Variants in FANCI observed in about 807,000 individuals in gnomAD.
FANCI encodes the protein Fanconi anemia group I protein.
A neutral mutation model predicts 176.1 loss-of-function variants in FANCI; 156 were observed. The observed-to-expected ratio is 0.89, with a 90% confidence interval of 0.78 to 1.01. The LOEUF (loss-of-function observed/expected upper bound fraction) is 1.01. FANCI is among the 50% of genes least tolerant of loss of function. FANCI has a pLI of 0.00. For missense variants in FANCI, 1,678 were observed against 1,534.1 expected, an observed-to-expected ratio of 1.09 and a Z score of -1.57; for synonymous variants, 613 against 541.7, an observed-to-expected ratio of 1.13 and a Z score of -1.83.
chr15:89,310,697 C>T (rs1236553993), intron 34 of FANCI, among the ~76,000 whole-genome samples: 1 of 152,240 alleles, frequency 6.6e-6, no homozygotes. Context: ...TTTTCCACAC[C>T]TCTCAGTGAA....
intron 19 of FANCI, 134 bp downstream of exon 19, chr15:89,290,415 A>G: frequency 1.4e-6 from 1 of 730,864 alleles, no homozygotes; most frequent in Non-Finnish European, 2.4e-6. Flanking sequence ...TGCTGTGGGT[A>G]TGTTATGCTG....
intron 18 of FANCI, among the ~76,000 whole-genome samples, chr15:89,286,772 C>T (rs1567161148): frequency 1.3e-5 from 2 of 152,128 alleles, no homozygotes; most frequent in African/African-American, 2.4e-5. Flanking sequence ...CCTAACAAGA[C>T]AGTCAGCCTG....
rs1480614366 is a variant in FANCI at position 89,292,787 on chromosome 15, T to G, written c.2092T>G (p.Phe698Val). The G allele has an allele frequency of 6.2e-7, 1 of 1,614,046 alleles. No individual in the cohort carries two copies. The highest frequency in any genetic ancestry group is 2.2e-5 in the East Asian group (1 of 44,850). ...GGAGGAAGAGGAGGAGGAAGAGGCA[T>G]TCTACGAAGACCTAGATGATATATT... is the stretch of plus-strand genomic sequence containing the variant. ...GEEEEEEEEA[F>V]YEDLDDILES... is the part of the protein sequence containing the mutation. The change falls in exon 21 of 38, where the codon TTC becomes GTC. Residue 698 changes from phenylalanine (F) to valine (V), a missense_variant. Phe to Val is a conservative substitution (Grantham distance 50). This residue lies in a region of FANCI where 1,204 missense variants were observed against 1,077.4 expected (regional missense o/e 1.12). Coordinates refer to ENST00000310775, the MANE Select transcript of FANCI (RefSeq NM_001113378.2).
At chr15:89,288,739 C>A (rs964946414) in intron 18 of FANCI, among the ~76,000 whole-genome samples, 3 of 151,916 alleles carry the variant, frequency 2.0e-5, no homozygotes, top group East Asian at 3.9e-4. Flanking sequence ...TTGCCTCAGC[C>A]CCATCCCCAA....
chr15:89,299,901 A>G lies in FANCI; in HGVS notation c.2738A>G (p.Gln913Arg). ...TCACTGCTGTGCTTGGAGGGTTTAC[A>G]GAAAATATTCAGTGCTGTGCAACAG... ...SISLLCLEGL[Q>R]KIFSAVQQFY... The change falls in exon 25 of 38, where the codon CAG becomes CGG. Residue 913 changes from glutamine to arginine, a missense_variant. Physicochemically the swap from Gln to Arg is conservative, Grantham distance 43. This residue lies in a region of FANCI where 1,204 missense variants were observed against 1,077.4 expected (regional missense o/e 1.12). Coordinates refer to ENST00000310775, the MANE Select transcript of FANCI (RefSeq NM_001113378.2). 6.2e-7 allele frequency: 1 copy of G among 1,614,158 alleles called. No homozygotes were observed. The highest frequency in any genetic ancestry group is 8.5e-7 in the Non-Finnish European group (1 of 1,180,004).
In FANCI at chr15:89,266,002, T is replaced by TC. The variant is rs1465098344; in HGVS notation, c.755+1395_755+1396insC. ...ATTAGAGGTGGTTTCTTATTTCTTT[T>TC]TTTTTTTTTTTTTTAAGAGTGTCTT... On this transcript the variant is annotated intron_variant, in intron 9 of 37. Transcript: ENST00000310775. Among the ~76,000 whole-genome samples the TC allele has an allele frequency of 1.5e-4, 23 of 150,532 alleles. No individual in the cohort carries two copies. In the East Asian group the frequency reaches 2.3e-3, roughly 15 times the overall value.
intron 27 of FANCI, 37 bp downstream of exon 27, chr15:89,301,479 C>A: frequency 7.4e-7 from 1 of 1,347,448 alleles, no homozygotes. Flanking sequence ...TTTAGCATTC[C>A]TCAGAAGGCA....
chr15:89,268,004 G>T (rs1309178826), intron 9 of FANCI, among the ~76,000 whole-genome samples: 2 of 152,208 alleles, frequency 1.3e-5, no homozygotes, highest in Admixed American at 1.3e-4. Context: ...GTAAACACCT[G>T]CCTTCAGTGA....
At chr15:89,311,566 G>A (rs1480343165) in intron 34 of FANCI, among the ~76,000 whole-genome samples, 1 of 152,112 alleles carries the variant, frequency 6.6e-6, no homozygotes, top group Non-Finnish European at 1.5e-5. Flanking sequence ...TTCCCACTTG[G>A]TCAGTGAGGT....
At chr15:89,307,014 T>G (rs1000651383) in intron 32 of FANCI, among the ~76,000 whole-genome samples, 9 of 152,216 alleles carry the variant, frequency 5.9e-5, no homozygotes, top group African/African-American at 2.2e-4. Context: ...CCTTACTGTT[T>G]ATGTTCCTAG....
At chr15:89,285,414 T>G (rs1237273800) in intron 18 of FANCI, among the ~76,000 whole-genome samples, 196 bp downstream of exon 18, 1 of 152,134 alleles carries the variant, frequency 6.6e-6, no homozygotes, top group Non-Finnish European at 1.5e-5. Flanking sequence ...CAACACCTTG[T>G]GAGGCCAAGG....
At position 89,299,943 on chromosome 15, in the gene FANCI, T is replaced by C. The variant is rs760655385; in HGVS notation, c.2780T>C (p.Ile927Thr). ...GTGCAACAGTTCTATCAGCCCAAGA[T>C]TCAGCAGTTTCTCAGAGCTCTGGGT... is the stretch of plus-strand genomic sequence containing the variant. Reference protein sequence around the residue: ...SAVQQFYQPKIQQFLRALDVT... With the variant: ...SAVQQFYQPKTQQFLRALDVT... Residue 927 changes from isoleucine to threonine, a missense_variant, in exon 25 of 38, where the codon ATT (isoleucine) becomes ACT (threonine). This residue lies in a region of FANCI where 1,204 missense variants were observed against 1,077.4 expected (regional missense o/e 1.12). Transcript: ENST00000310775. The C allele has an allele frequency of 5.0e-6, 8 of 1,613,990 alleles. No homozygotes were observed. In the South Asian group the frequency reaches 6.6e-5, roughly 13 times the overall value.
intron 26 of FANCI, 35 bp from the exon 27 acceptor site, chr15:89,301,291 T>C: frequency 7.2e-7 from 1 of 1,397,478 alleles, no homozygotes; most frequent in Non-Finnish European, 1.0e-6. Flanking sequence ...ACGTGTCTGC[T>C]AACATTGCTT....
chr15:89,254,412 G>A (rs2052405931), intron 2 of FANCI, among the ~76,000 whole-genome samples: 1 of 152,122 alleles, frequency 6.6e-6, no homozygotes, highest in Non-Finnish European at 1.5e-5. Context: ...GACAGTGGGG[G>A]CGTGTCACAA....
chr15:89,268,508 C>G lies in FANCI; in HGVS notation c.865C>G (p.Leu289Val). ...ATTGGACTATGAACTAGGCAGAGAA[C>G]TCGTGAAACACTTAAAGGTAGCATC... ...IKLDYELGRE[L>V]VKHLKVGQQG... Residue 289 changes from leucine (L) to valine (V), a missense_variant, in exon 10 of 38, where the codon CTC (leucine) becomes GTC (valine). Leu to Val is a conservative substitution (Grantham distance 32). This residue lies in a region of FANCI where 469 missense variants were observed against 436.9 expected (regional missense o/e 1.07). Transcript: ENST00000310775. 6.2e-7 allele frequency: 1 copy of G among 1,614,176 alleles called. No homozygotes were observed. The highest frequency in any genetic ancestry group is 8.5e-7 in the Non-Finnish European group (1 of 1,180,012).
At chr15:89,245,334 A>ATTTT (rs869076373) in intron 1 of FANCI, 4 of 36,172 alleles carry the variant, frequency 1.1e-4, no homozygotes, top group Non-Finnish European at 2.3e-4. Flanking sequence ...ACGCCCAGCT[A>ATTTT]TTTTTTTTTT....
At position 89,293,068 on chromosome 15, in the gene FANCI, G is replaced by C; in HGVS notation, c.2291+5G>C. 6.2e-7 allele frequency: 1 copy of C among 1,612,762 alleles called. No homozygotes were observed. The highest frequency in any genetic ancestry group is 8.5e-7 in the Non-Finnish European group (1 of 1,179,656). ...TTTCTCCATAAGTAGTTTCAGGTAA[G>C]GTTTTGCTATAACTCCATTTGTAAT... On this transcript the variant is annotated splice_donor_5th_base_variant and intron_variant, in intron 22 of 37. Coordinates refer to ENST00000310775, the MANE Select transcript of FANCI (RefSeq NM_001113378.2).
chr15:89,281,747 C>T lies in FANCI; in HGVS notation c.1513-18C>T. On this transcript the variant is annotated intron_variant, in intron 15 of 37. Coordinates refer to ENST00000310775, the MANE Select transcript of FANCI (RefSeq NM_001113378.2). ...ATAAGCAAACTTGTTCTGTTTTTACCCACTGATTCTTTTTCAGCCCCTTCT... is the reference window on the plus strand; with the variant it reads ...ATAAGCAAACTTGTTCTGTTTTTACTCACTGATTCTTTTTCAGCCCCTTCT... The T allele has an allele frequency of 6.2e-7, 1 of 1,612,458 alleles. No individual in the cohort carries two copies. Among genetic ancestry groups the T allele is most frequent in the Non-Finnish European group, 8.5e-7 (1 of 1,178,810 alleles).
At position 89,307,667 on chromosome 15, in the gene FANCI, G is replaced by A. The variant is rs978000003; in HGVS notation, c.3646G>A (p.Val1216Ile). The change falls in exon 34 of 38, where the codon GTA becomes ATA. Residue 1216 changes from valine to isoleucine, a missense_variant. Around this residue, in one of 3 missense-constraint regions of FANCI, gnomAD observed 1,204 missense variants for 1,077.4 expected, o/e 1.12. Coordinates refer to ENST00000310775, the MANE Select transcript of FANCI (RefSeq NM_001113378.2). ...CCTGTGTTATTCTTTCATTTCTTAC[G>A]TACAGGTAAGAGATTCAGAGGCAGT... Reference protein sequence around the residue: ...TPLCYSFISYVQNKSKSLNYT... With the variant: ...TPLCYSFISYIQNKSKSLNYT... 16 of 1,613,922 alleles carry A rather than the reference G, an allele frequency of 9.9e-6. No individual in the cohort carries two copies. The highest frequency in any genetic ancestry group is 4.0e-5 in the African/African-American group (3 of 74,864).
Sources: gnomAD v4.1 joint callset for allele counts (sites outside exome capture counted in the v4.1 genomes callset) on GRCh38, gnomAD v4.1.1 for gene constraint, gnomAD v4.1.1 regional missense constraint, MANE v1.5 for transcripts, NCBI Gene and HGNC (gene_info 2026-07-23, HGNC 2026-07-21) for gene names.